The following PITPNC1 variants were observed in gnomAD, a reference collection of about 807,000 sequenced individuals.
The protein encoded by PITPNC1 is phosphatidylinositol transfer protein cytoplasmic 1.
PITPNC1 carries 18 observed loss-of-function variants against 44.7 expected under a neutral mutation model. The observed-to-expected ratio is 0.40, with a 90% CI of 0.28 to 0.60. The LOEUF (loss-of-function observed/expected upper bound fraction) is 0.60, where lower values mean the gene tolerates loss of function less well. Among genes scored for constraint, PITPNC1 ranks in the 20% least tolerant of loss-of-function variants. PITPNC1 has a pLI of 0.39. For synonymous variants in PITPNC1, 141 were observed against 149.6 expected (o/e 0.94, Z 0.42); for missense variants, 290 against 418.4 (o/e 0.69, Z 2.68).
intron 8 of PITPNC1, among the ~76,000 whole-genome samples, chr17:67,682,091 C>T (rs1393230850): frequency 6.6e-6 from 1 of 152,064 alleles, no homozygotes; most frequent in Non-Finnish European, 1.5e-5. Flanking sequence ...ATCCCAGCTA[C>T]TCAGGAGGCT....
chr17:67,587,581 G>A (rs1272329060), intron 5 of PITPNC1, among the ~76,000 whole-genome samples: 2 of 152,166 alleles, frequency 1.3e-5, no homozygotes, highest in Non-Finnish European at 2.9e-5. Flanking sequence ...AGGGAGAGGA[G>A]TGACAGAAAA....
chr17:67,494,039 C>G (rs1285787936), intron 1 of PITPNC1, among the ~76,000 whole-genome samples: 2 of 152,298 alleles, frequency 1.3e-5, no homozygotes, highest in South Asian at 2.1e-4. Flanking sequence ...CAAACCATCC[C>G]CTGTCCTTGC....
intron 4 of PITPNC1, among the ~76,000 whole-genome samples, chr17:67,557,117 C>A (rs2040848211): frequency 6.6e-6 from 1 of 152,114 alleles, no homozygotes. Flanking sequence ...GTTGCAGAAG[C>A]TGAAAGTGCG....
At position 67,402,525 on chromosome 17, in the gene PITPNC1, G is replaced by T. The variant is rs556198611; in HGVS notation, c.48+24323G>T. On this transcript the variant is annotated intron_variant, in intron 1 of 8. Coordinates refer to ENST00000581322, the MANE Select transcript of PITPNC1 (RefSeq NM_012417.4). ...ATCCCCCGCCCCTCCGCCATTTCCT[G>T]ACAAAGCTGTCTCTCTAACCTGTGG... 2.7e-5 allele frequency among the ~76,000 whole-genome samples: 4 copies of T among 147,918 alleles called. No individual in the cohort carries two copies. The South Asian group carries it at 8.5e-4, about 31-fold the overall frequency.
chr17:67,532,856 C>G lies in PITPNC1; in HGVS notation c.103C>G (p.Arg35Gly), dbSNP rs368380321. ...CAAACACAGCCATGAACAGAGTGAC[C>G]GGGGAGAAGGGGTGGAGGTCGTCCA... ...ISKHSHEQSD[R>G]GEGVEVVQNE... Residue 35 changes from arginine (R) to glycine (G), a missense_variant, in exon 2 of 9, where the codon CGG becomes GGG. Transcript: ENST00000581322. 1 of 1,594,834 alleles carries G rather than the reference C, an allele frequency of 6.3e-7. No individual in the cohort carries two copies. Among genetic ancestry groups the G allele is most frequent in the Non-Finnish European group, 8.5e-7 (1 of 1,171,016 alleles).
intron 1 of PITPNC1, among the ~76,000 whole-genome samples, chr17:67,516,409 A>T (rs1345348760): frequency 6.6e-6 from 1 of 152,176 alleles, no homozygotes; most frequent in Non-Finnish European, 1.5e-5. Flanking sequence ...ATAGGGATTT[A>T]AAACGCTACC....
At chr17:67,410,573 A>G (rs557384201) in intron 1 of PITPNC1, among the ~76,000 whole-genome samples, 2 of 151,930 alleles carry the variant, frequency 1.3e-5, no homozygotes, top group African/African-American at 2.4e-5. Context: ...TTTTGTAGCG[A>G]TGAAGTCTCG....
At chr17:67,500,928 A>T (rs1478261408) in intron 1 of PITPNC1, among the ~76,000 whole-genome samples, 2 of 151,874 alleles carry the variant, frequency 1.3e-5, no homozygotes, top group Non-Finnish European at 2.9e-5. Flanking sequence ...GGGCTCAAGC[A>T]GTCCTCCCAT....
Position 67,379,427 on chromosome 17 carries a change from G to T in PITPNC1, c.48+1225G>T, listed in dbSNP as rs1050088847. On this transcript the variant is annotated intron_variant, in intron 1 of 8. Transcript: ENST00000581322. ...AAGTACAATCCAAGACAAGATCAAA[G>T]TAGCTGCAAGTTTACAAAACGCATC... 3.2e-6 allele frequency: 3 copies of T among 951,236 alleles called. No individual in the cohort carries two copies. The South Asian group carries it at 1.5e-4, about 46-fold the overall frequency. 58.9% of individuals were successfully genotyped at this position (951,236 alleles called of 1,614,324 possible). A position where few individuals can be genotyped will look rare whatever the true frequency, so the allele number is the denominator to read the frequency against.
intron 1 of PITPNC1, among the ~76,000 whole-genome samples, chr17:67,488,364 C>T (rs1386016561): frequency 2.0e-5 from 3 of 152,290 alleles, no homozygotes; most frequent in Non-Finnish European, 2.9e-5. Flanking sequence ...GCCTGCCAGA[C>T]GGCCCTCCCT....
At chr17:67,430,266 G>C (rs890630849) in intron 1 of PITPNC1, among the ~76,000 whole-genome samples, 1 of 152,104 alleles carries the variant, frequency 6.6e-6, no homozygotes, top group Non-Finnish European at 1.5e-5. Context: ...AGCACTTTGG[G>C]AGGCTGAGGT....
At chr17:67,622,074 G>A (rs776808946) in intron 5 of PITPNC1, among the ~76,000 whole-genome samples, 2 of 152,028 alleles carry the variant, frequency 1.3e-5, no homozygotes, top group Non-Finnish European at 2.9e-5. Flanking sequence ...TCGAGACCAC[G>A]GTGAAACCCC....
At chr17:67,436,908 G>GGTTT (rs1475981276) in intron 1 of PITPNC1, among the ~76,000 whole-genome samples, 1 of 68,458 alleles carries the variant, frequency 1.5e-5, no homozygotes, top group Non-Finnish European at 2.8e-5. Context: ...AAATAGGGGT[G>GGTTT]TTTTTTTTTT....
At chr17:67,381,401 C>T (rs892662253) in intron 1 of PITPNC1, among the ~76,000 whole-genome samples, 4 of 138,748 alleles carry the variant, frequency 2.9e-5, no homozygotes, top group African/African-American at 1.1e-4. Context: ...CTAACTTTTG[C>T]TTCCACTCTT....
At chr17:67,520,316 G>T (rs1301829293) in intron 1 of PITPNC1, among the ~76,000 whole-genome samples, 1 of 152,170 alleles carries the variant, frequency 6.6e-6, no homozygotes. Flanking sequence ...CAGGATATGT[G>T]TCCTGGGAAA....
intron 5 of PITPNC1, among the ~76,000 whole-genome samples, chr17:67,593,004 C>T (rs2041412456): frequency 6.6e-6 from 1 of 152,288 alleles, no homozygotes; most frequent in East Asian, 1.9e-4. Context: ...CGCTACTACA[C>T]TTCCATCTGG....
intron 1 of PITPNC1, among the ~76,000 whole-genome samples, chr17:67,485,715 G>A (rs965741829): frequency 2.6e-5 from 4 of 151,990 alleles, no homozygotes; most frequent in Non-Finnish European, 5.9e-5. Flanking sequence ...AGGAGTTGAG[G>A]GACATTGGAA....
chr17:67,401,798 G>C (rs2038316699), intron 1 of PITPNC1, among the ~76,000 whole-genome samples: 1 of 151,824 alleles, frequency 6.6e-6, no homozygotes, highest in Non-Finnish European at 1.5e-5. Context: ...AGCCGGGATT[G>C]CGCCACTGCA....
chr17:67,528,334 G>A (rs117645450), intron 1 of PITPNC1, among the ~76,000 whole-genome samples: 2,541 of 152,268 alleles, frequency 0.017, 31 homozygotes, highest in Non-Finnish European at 0.023. Flanking sequence ...GAGCCGCTGC[G>A]CCCAGCCAGA....
Sources: gnomAD v4.1 joint callset for allele counts (sites outside exome capture counted in the v4.1 genomes callset) on GRCh38, gnomAD v4.1.1 for gene constraint, MANE v1.5 for transcripts, NCBI Gene and HGNC (gene_info 2026-07-23, HGNC 2026-07-21) for gene names.